Variants in SH3D19 observed in about 807,000 individuals in gnomAD.
SH3D19 encodes SH3 domain-containing protein 19.
In SH3D19, 58 loss-of-function variants were observed where a neutral mutation model predicts 112.1. The observed-to-expected ratio is 0.52, with a 90% CI of 0.42 to 0.64. The LOEUF (loss-of-function observed/expected upper bound fraction) is 0.64, where lower values mean the gene tolerates loss of function less well. Ranked by LOEUF, SH3D19 falls within the 30% of genes least tolerant of loss-of-function variation. The pLI, the probability that SH3D19 is intolerant of heterozygous loss-of-function variation, is 0.00. For synonymous variants in SH3D19, 391 were observed against 448.5 expected (o/e 0.87, Z 1.62); for missense variants, 1,090 against 1,263.4 (o/e 0.86, Z 2.08).
intron 1 of SH3D19, chr4:151,277,150 T>C: frequency 7.1e-7 from 1 of 1,405,586 alleles, no homozygotes. Flanking sequence ...CAGGAAGCGC[T>C]CACTGGCTCT....
chr4:151,225,779 C>G (rs919169413), intron 2 of SH3D19, among the ~76,000 whole-genome samples: 2 of 152,070 alleles, frequency 1.3e-5, no homozygotes, highest in African/African-American at 2.4e-5. Flanking sequence ...GTCACAAAAA[C>G]TAATAAATGA....
chr4:151,178,069 T>C (rs1414715957), intron 4 of SH3D19, among the ~76,000 whole-genome samples: 2 of 152,204 alleles, frequency 1.3e-5, no homozygotes, highest in African/African-American at 2.4e-5. Context: ...CATGCCACCA[T>C]GCCTGGCTGA....
At chr4:151,248,032 C>T (rs374050213) in intron 1 of SH3D19, among the ~76,000 whole-genome samples, 5 of 152,288 alleles carry the variant, frequency 3.3e-5, no homozygotes, top group African/African-American at 7.2e-5. Context: ...CAATAACCAC[C>T]CTGCCTACAG....
intron 11 of SH3D19, among the ~76,000 whole-genome samples, chr4:151,147,088 G>T (rs1408310940): frequency 6.6e-6 from 1 of 152,134 alleles, no homozygotes; most frequent in East Asian, 1.9e-4. Flanking sequence ...ACTATATCAT[G>T]ATATAAACTA....
At chr4:151,275,007 T>C (rs900041034) in intron 1 of SH3D19, among the ~76,000 whole-genome samples, 4 of 152,168 alleles carry the variant, frequency 2.6e-5, no homozygotes, top group African/African-American at 9.7e-5. Flanking sequence ...GACCTCTTTT[T>C]AATATAATTA....
intron 1 of SH3D19, among the ~76,000 whole-genome samples, chr4:151,315,809 T>C (rs1198942042): frequency 6.6e-6 from 1 of 152,094 alleles, no homozygotes; most frequent in African/African-American, 2.4e-5. Context: ...GTCTCTTTCA[T>C]GCAAAATAAT....
intron 1 of SH3D19, chr4:151,282,348 C>T (rs758061044): frequency 2.5e-6 from 4 of 1,613,794 alleles, no homozygotes; most frequent in Non-Finnish European, 3.4e-6. Context: ...CCCAGTGTCA[C>T]AAAGCAGTTG....
At position 151,240,281 on chromosome 4, in the gene SH3D19, C is replaced by T. The variant is rs193183049; in HGVS notation, c.113-14195G>A. Among the ~76,000 whole-genome samples the T allele has an allele frequency of 1.3e-3, 199 of 149,432 alleles. 5 individuals are homozygous for T. Among genetic ancestry groups the T allele is most frequent in the African/African-American group, 4.6e-3 (184 of 40,320 alleles). On this transcript the variant is annotated intron_variant, in intron 1 of 19. Coordinates refer to ENST00000604030, the MANE Select transcript of SH3D19 (RefSeq NM_001378122.1). ...AAAATATTAGCCAGGAACAGTGGCA[C>T]GAGCCTGTAGTCCCAGCTACTTGGG...
chr4:151,196,396 C>A, intron 2 of SH3D19, among the ~76,000 whole-genome samples: 1 of 151,948 alleles, frequency 6.6e-6, no homozygotes, highest in Non-Finnish European at 1.5e-5. Flanking sequence ...ACCACCACAG[C>A]CCAGCCTGGG....
At chr4:151,232,000 A>G (rs1256476973) in intron 1 of SH3D19, among the ~76,000 whole-genome samples, 7 of 152,140 alleles carry the variant, frequency 4.6e-5, no homozygotes, top group Admixed American at 4.6e-4. Flanking sequence ...ACTGGCCAAC[A>G]TGGTGAAACC....
intron 1 of SH3D19, among the ~76,000 whole-genome samples, 196 bp downstream of exon 1, chr4:151,325,045 C>A (rs1281386927): frequency 6.6e-6 from 1 of 152,230 alleles, no homozygotes; most frequent in Non-Finnish European, 1.5e-5. Flanking sequence ...AAAGACGGGT[C>A]TGAATTTCCT....
intron 9 of SH3D19, among the ~76,000 whole-genome samples, chr4:151,150,206 A>AATATATAT (rs1554037659): frequency 1.5e-4 from 7 of 46,172 alleles, no homozygotes; most frequent in African/African-American, 2.1e-4. Flanking sequence ...AAAAAAAAAA[A>AATATATAT]ATATATATAT....
chr4:151,209,002 C>T (rs1013886804), intron 2 of SH3D19, among the ~76,000 whole-genome samples: 1 of 152,122 alleles, frequency 6.6e-6, no homozygotes. Context: ...TATACATCTC[C>T]TACTGGTCCT....
chr4:151,256,268 C>A (rs1771909076), intron 1 of SH3D19, among the ~76,000 whole-genome samples: 1 of 152,164 alleles, frequency 6.6e-6, no homozygotes, highest in African/African-American at 2.4e-5. Context: ...CTGGAACTAT[C>A]CTTCCCACAG....
chr4:151,295,469 C>T (rs771499647), intron 1 of SH3D19, among the ~76,000 whole-genome samples: 6 of 152,134 alleles, frequency 3.9e-5, no homozygotes, highest in Non-Finnish European at 7.3e-5. Context: ...GAGTAAGGCC[C>T]TATTTACCAA....
intron 14 of SH3D19, among the ~76,000 whole-genome samples, chr4:151,135,909 G>A (rs758909616): frequency 1.1e-4 from 16 of 152,072 alleles, no homozygotes; most frequent in Non-Finnish European, 2.2e-4. Context: ...AGTGGCTCAC[G>A]CCTGTAATTC....
chr4:151,166,938 A>G (rs538391978), intron 7 of SH3D19, among the ~76,000 whole-genome samples: 1 of 152,320 alleles, frequency 6.6e-6, no homozygotes, highest in South Asian at 2.1e-4. Context: ...TCACATATTT[A>G]TGCCAGTAAC....
chr4:151,162,067 G>T (rs1757256571), intron 8 of SH3D19, among the ~76,000 whole-genome samples: 1 of 151,952 alleles, frequency 6.6e-6, no homozygotes, highest in South Asian at 2.1e-4. Flanking sequence ...GTGCCATGAT[G>T]GTTTGCTTCA....
chr4:151,312,910 A>AT (rs1282532096), intron 1 of SH3D19, among the ~76,000 whole-genome samples: 1 of 149,618 alleles, frequency 6.7e-6, no homozygotes, highest in African/African-American at 2.5e-5. Context: ...CAAAAAAAAA[A>AT]AAAATAAATA....
Sources: gnomAD v4.1 joint callset for allele counts (sites outside exome capture counted in the v4.1 genomes callset) on GRCh38, gnomAD v4.1.1 for gene constraint, MANE v1.5 for transcripts, NCBI Gene and HGNC (gene_info 2026-07-23, HGNC 2026-07-21) for gene names.